TDRP: variants seen among roughly 807,000 people sequenced by gnomAD.
TDRP encodes testis development-related protein.
Under a neutral mutation model 10.5 loss-of-function variants are expected in TDRP, and 12 were observed. The ratio of observed to expected loss-of-function variants is 1.15; its 90% CI spans 0.73 to 1.86. The LOEUF (loss-of-function observed/expected upper bound fraction) is 1.86. Among genes scored for constraint, TDRP ranks in the 40% most tolerant of loss-of-function variants. The probability of loss-of-function intolerance (pLI) is 0.00; values close to 1 mark genes in which losing one functional copy is unlikely to be tolerated. For missense variants in TDRP, 353 were observed against 229.2 expected, an observed-to-expected ratio of 1.54 and a Z score of -3.49; for synonymous variants, 139 against 95.4, an observed-to-expected ratio of 1.46 and a Z score of -2.67.
Position 492,709 on chromosome 8 carries a change from T to C in TDRP, c.248A>G (p.Glu83Gly), listed in dbSNP as rs754970562. ...NLRLKEELKA[E>G]KKSGFWDNLV... Reference sequence around the variant, plus strand: ...ATTGTCCCAAAATCCAGATTTCTTCTCTGCCTTCAACTCTTCTTTTAATCG... The same window carrying C: ...ATTGTCCCAAAATCCAGATTTCTTCCCTGCCTTCAACTCTTCTTTTAATCG... Residue 83 changes from glutamate (E) to glycine (G), a missense_variant, in exon 3 of 3, where the codon GAG (glutamate) becomes GGG (glycine). Coordinates refer to ENST00000324079, the MANE Select transcript of TDRP (RefSeq NM_001384899.1). 3.7e-6 allele frequency: 6 copies of C among 1,613,738 alleles called. No homozygotes were observed. The South Asian group carries it at 6.6e-5, about 18-fold the overall frequency.
intron 1 of TDRP, among the ~76,000 whole-genome samples, chr8:541,917 G>C (rs551539496): frequency 6.6e-6 from 1 of 152,146 alleles, no homozygotes; most frequent in South Asian, 2.1e-4. Flanking sequence ...ACCCAAGTTG[G>C]AAACTTAAAT....
intron 1 of TDRP, among the ~76,000 whole-genome samples, chr8:527,165 A>T (rs991253839): frequency 1.3e-5 from 2 of 152,146 alleles, no homozygotes; most frequent in African/African-American, 2.4e-5. Context: ...AAATAAAATT[A>T]AAAAAGTACA....
intron 1 of TDRP, among the ~76,000 whole-genome samples, chr8:514,293 A>T (rs558932349): frequency 3.3e-4 from 50 of 152,376 alleles, no homozygotes; most frequent in African/African-American, 1.2e-3. Flanking sequence ...GCGTCCAGAA[A>T]TAAACCCATA....
rs1435285240 is a variant in TDRP, at chr8:491,678, C to G, written c.*721G>C. On this transcript the variant is annotated 3_prime_UTR_variant, in exon 3 of 3. Transcript: ENST00000324079. ...GATCCATACTTCTTTAATCTGTAAA[C>G]AAAAAAGAGAGCAAATGTTTTAAGA... is the stretch of plus-strand genomic sequence containing the variant. 6.7e-7 allele frequency: 1 copy of G among 1,498,954 alleles called. No individual in the cohort carries two copies. The highest frequency in any genetic ancestry group is 1.4e-5 in the African/African-American group (1 of 70,572). 92.9% of individuals were successfully genotyped at this position (1,498,954 alleles called of 1,614,324 possible). A position where few individuals can be genotyped will look rare whatever the true frequency, so the allele number is the denominator to read the frequency against.
chr8:524,957 CAAG>C (rs1218956014), intron 1 of TDRP, among the ~76,000 whole-genome samples: 1 of 152,096 alleles, frequency 6.6e-6, no homozygotes, highest in African/African-American at 2.4e-5. Flanking sequence ...TATTCAAGTA[CAAG>C]AAGATTATAG....
In TDRP at chr8:491,281, C is replaced by CA. The variant is rs1260730487; in HGVS notation, c.*1117dup. 2 of 217,096 alleles carry CA rather than the reference C, an allele frequency of 9.2e-6. No homozygotes were observed. The highest frequency in any genetic ancestry group is 1.8e-5 in the Non-Finnish European group (2 of 111,332). The allele number at this position is 217,096 out of a possible 1,614,324, so 13.4% of individuals were successfully genotyped here. A position where few individuals can be genotyped will look rare whatever the true frequency, so the allele number is the denominator to read the frequency against. On this transcript the variant is annotated 3_prime_UTR_variant, in exon 3 of 3. Coordinates refer to ENST00000324079, the MANE Select transcript of TDRP (RefSeq NM_001384899.1). ...CTGGAGGTTTTATTTTACTTTTAAA[C>CA]AAAAAAGAAAAATATACCTTTTCTT...
chr8:491,630 GAAATT>G lies in TDRP; in HGVS notation c.*764_*768del. The G allele has an allele frequency of 6.5e-7, 1 of 1,531,330 alleles. No individual in the cohort carries two copies. Among genetic ancestry groups the G allele is most frequent in the Non-Finnish European group, 8.7e-7 (1 of 1,145,570 alleles). The allele number at this position is 1,531,330 out of a possible 1,614,324, so 94.9% of individuals were successfully genotyped here. ...ATGAGCAAGACAATGTTTCCTAAATGAAATTATCAACTGACTAAAATTGATCCATA... is the reference window on the plus strand; with the variant it reads ...ATGAGCAAGACAATGTTTCCTAAATGATCAACTGACTAAAATTGATCCATA... On this transcript the variant is annotated 3_prime_UTR_variant, in exon 3 of 3. Transcript: ENST00000324079.
At chr8:508,345 T>G (rs1054942157) in intron 1 of TDRP, among the ~76,000 whole-genome samples, 1 of 152,216 alleles carries the variant, frequency 6.6e-6, no homozygotes. Context: ...CACATTGCTA[T>G]AAAGAACTGC....
chr8:517,103 C>T (rs1195253534), intron 1 of TDRP, among the ~76,000 whole-genome samples: 2 of 152,134 alleles, frequency 1.3e-5, no homozygotes, highest in Non-Finnish European at 2.9e-5. Context: ...TACTTTCCTC[C>T]CTTTGGCGCT....
At position 522,204 on chromosome 8, in the gene TDRP, T is replaced by C. The variant is rs150141255; in HGVS notation, c.108+22446A>G. On this transcript the variant is annotated intron_variant, in intron 1 of 2. Transcript: ENST00000324079. ...CTCCCTTCAATCCTCTAAACGTTTA[T>C]GTCACACATTTGAGCACTCTGCTGT... 4.7e-3 allele frequency among the ~76,000 whole-genome samples: 711 copies of C among 152,348 alleles called. 8 individuals carry two copies. Among genetic ancestry groups the C allele is most frequent in the Middle Eastern group, 0.02 (6 of 294 alleles).
chr8:506,165 A>G (rs969645198), intron 1 of TDRP, among the ~76,000 whole-genome samples: 12 of 152,242 alleles, frequency 7.9e-5, no homozygotes, highest in African/African-American at 2.7e-4. Flanking sequence ...AAGAAAATTG[A>G]AATTATTTAA....
chr8:544,892 GGGCACCCCCAGAACTA>G (rs1802598676), upstream of TDRP: 6 of 555,008 alleles, frequency 1.1e-5, no homozygotes, highest in Non-Finnish European at 1.6e-5. Flanking sequence ...GGCGGGGGCG[GGGCACCCCCAGAACTA>G]GGCCCGCCCC....
Position 539,658 on chromosome 8 carries a change from G to C in TDRP, c.108+4992C>G, listed in dbSNP as rs185689529. 1.4e-3 allele frequency among the ~76,000 whole-genome samples: 220 copies of C among 152,304 alleles called. 1 individual carries two copies. Among genetic ancestry groups the C allele is most frequent in the African/African-American group, 4.9e-3 (204 of 41,570 alleles). On this transcript the variant is annotated intron_variant, in intron 1 of 2. Transcript: ENST00000324079. ...AACGGAAAACAGTAACAAAATGTTA[G>C]CTATACAAGCAGGGAGAGAAAGGCC...
At chr8:516,858 C>T (rs1218268305) in intron 1 of TDRP, among the ~76,000 whole-genome samples, 1 of 152,164 alleles carries the variant, frequency 6.6e-6, no homozygotes, top group Non-Finnish European at 1.5e-5. Flanking sequence ...TGGAAGCAAC[C>T]AAGATGCCCT....
intron 1 of TDRP, among the ~76,000 whole-genome samples, chr8:513,779 T>G (rs761425314): frequency 9.2e-4 from 140 of 152,302 alleles, no homozygotes; most frequent in Non-Finnish European, 2.2e-4. Context: ...ATGTTAGAAC[T>G]AATAAAAGAG....
rs140929227 is a variant in TDRP at position 491,734 on chromosome 8, G to A, written c.*665C>T. The A allele has an allele frequency of 1.8e-3, 2,593 of 1,435,986 alleles. 38 individuals carry two copies. The African/African-American group carries it at 0.033, about 18-fold the overall frequency. 89.0% of individuals were successfully genotyped at this position (1,435,986 alleles called of 1,614,324 possible). ...AAGGGACCGATTTAGAAGTTCAAAA[G>A]AGGTAAAAATAAAATTCCAAAAAAG... On this transcript the variant is annotated 3_prime_UTR_variant, in exon 3 of 3. Transcript: ENST00000324079.
chr8:523,044 C>T (rs1801947177), intron 1 of TDRP, among the ~76,000 whole-genome samples: 2 of 152,122 alleles, frequency 1.3e-5, no homozygotes, highest in South Asian at 2.1e-4. Context: ...GTAGGACTTA[C>T]TATTGCCACT....
At chr8:503,728 C>G (rs952940434) in intron 1 of TDRP, among the ~76,000 whole-genome samples, 1 of 149,084 alleles carries the variant, frequency 6.7e-6, no homozygotes, top group African/African-American at 2.5e-5. Context: ...CAGAGCTACA[C>G]ATCAGAACCC....
chr8:510,457 C>G (rs530703161), intron 1 of TDRP, among the ~76,000 whole-genome samples: 2 of 152,244 alleles, frequency 1.3e-5, no homozygotes, highest in African/African-American at 4.8e-5. Context: ...CAACCAAAGA[C>G]AGGGAGATAA....
Sources: gnomAD v4.1 joint callset for allele counts (sites outside exome capture counted in the v4.1 genomes callset) on GRCh38, gnomAD v4.1.1 for gene constraint, MANE v1.5 for transcripts, NCBI Gene and HGNC (gene_info 2026-07-23, HGNC 2026-07-21) for gene names.